IL12RB1: variants seen among roughly 807,000 people sequenced by gnomAD.
IL12RB1 encodes the protein interleukin 12 receptor subunit beta 1.
In IL12RB1, 64 loss-of-function variants were observed where a neutral mutation model predicts 94.4. The ratio of observed to expected loss-of-function variants is 0.68; its 90% CI spans 0.55 to 0.83. IL12RB1 has a LOEUF of 0.83. IL12RB1 is among the 40% of genes least tolerant of loss of function. The probability of loss-of-function intolerance (pLI) is 0.00; values close to 1 mark genes in which losing one functional copy is unlikely to be tolerated. For missense variants in IL12RB1, 814 were observed against 855.6 expected, an observed-to-expected ratio of 0.95 and a Z score of 0.61; for synonymous variants, 362 against 355.5, an observed-to-expected ratio of 1.02 and a Z score of -0.21.
chr19:18,069,474 G>A (rs1280910806), intron 10 of IL12RB1, 72 bp downstream of exon 10: 3 of 1,420,098 alleles, frequency 2.1e-6, no homozygotes, highest in Non-Finnish European at 9.5e-7. Context: ...CTTCCCTGCA[G>A]GTTTGAACCC....
intron 1 of IL12RB1, among the ~76,000 whole-genome samples, chr19:18,095,574 T>C (rs938575759): frequency 6.6e-6 from 1 of 152,206 alleles, no homozygotes; most frequent in African/African-American, 2.4e-5. Flanking sequence ...TTGGGGATGA[T>C]ACAAATGTCC....
chr19:18,078,092 G>C (rs1679412906), intron 4 of IL12RB1, among the ~76,000 whole-genome samples: 1 of 152,156 alleles, frequency 6.6e-6, no homozygotes, highest in Non-Finnish European at 1.5e-5. Flanking sequence ...CTAGGAGAGA[G>C]AGGGAGAACT....
intron 8 of IL12RB1, 44 bp from the exon 9 acceptor site, chr19:18,072,393 T>G (rs747309231): frequency 1.6e-6 from 2 of 1,268,574 alleles, no homozygotes; most frequent in Non-Finnish European, 2.3e-6. Context: ...CTGATCACAC[T>G]CATCATCCCA....
chr19:18,095,765 C>G (rs1267295077), intron 1 of IL12RB1, among the ~76,000 whole-genome samples: 2 of 152,124 alleles, frequency 1.3e-5, no homozygotes, highest in African/African-American at 4.8e-5. Flanking sequence ...ATCTGGCCAC[C>G]ATAACTTGAT....
chr19:18,080,958 T>A lies in IL12RB1; in HGVS notation c.283A>T (p.Thr95Ser). The part of the protein sequence containing the change: ...RCCYFAAGSA[T>S]RLQFSDQAGV... The stretch of plus-strand genomic sequence containing the variant: ...GCCTGGTCGGAGAACTGCAGCCTGG[T>A]GGCTGAGCCGGCGGCGAAGTAGCAG... The change falls in exon 4 of 17, where the codon ACC becomes TCC. Residue 95 changes from threonine to serine, a missense_variant. Transcript: ENST00000593993. 1.2e-6 allele frequency: 2 copies of A among 1,613,796 alleles called. No homozygotes were observed. Among genetic ancestry groups the A allele is most frequent in the Non-Finnish European group, 1.7e-6 (2 of 1,179,930 alleles).
intron 1 of IL12RB1, among the ~76,000 whole-genome samples, chr19:18,092,685 A>G: frequency 6.6e-6 from 1 of 150,878 alleles, no homozygotes; most frequent in South Asian, 2.1e-4. Flanking sequence ...AAAAAAAAAA[A>G]AAGAAATGTG....
chr19:18,083,515 T>G, intron 1 of IL12RB1, 24 bp from the exon 2 acceptor site: 1 of 1,612,322 alleles, frequency 6.2e-7, no homozygotes, highest in Non-Finnish European at 8.5e-7. Context: ...GAAGACATAA[T>G]GACATTCCTG....
chr19:18,084,660 GCCATCCATCCAT>G (rs61207801), intron 1 of IL12RB1, among the ~76,000 whole-genome samples: 1 of 48,910 alleles, frequency 2.0e-5, no homozygotes, highest in Non-Finnish European at 5.1e-5. Flanking sequence ...TATCCATCCA[GCCATCCATCCAT>G]CCATCCATCC....
In IL12RB1 at chr19:18,072,501, C is replaced by T. The variant is rs146857171; in HGVS notation, c.784-152G>A. The T allele has an allele frequency of 6.3e-5, 42 of 664,654 alleles. No homozygotes were observed. The African/African-American group carries it at 6.7e-4, about 11-fold the overall frequency. The allele number at this position is 664,654 out of a possible 1,614,324, so 41.2% of individuals were successfully genotyped here. On this transcript the variant is annotated intron_variant, in intron 8 of 16. Transcript: ENST00000593993. Reference sequence around the variant, plus strand: ...ATTAAAAGAATAATAAACCTCAATGCTGGCAAAGCTGCTGTGAGACAGGCA... The same window carrying T: ...ATTAAAAGAATAATAAACCTCAATGTTGGCAAAGCTGCTGTGAGACAGGCA...
At position 18,066,610 on chromosome 19, in the gene IL12RB1, C is replaced by T. The variant is rs369482167; in HGVS notation, c.1415G>A (p.Ser472Asn). 5.0e-5 allele frequency: 80 copies of T among 1,613,224 alleles called. No individual in the cohort carries two copies. Among genetic ancestry groups the T allele is most frequent in the Non-Finnish European group, 6.7e-5 (79 of 1,179,512 alleles). The change falls in exon 12 of 17, where the codon AGC (serine) becomes AAC (asparagine). Residue 472 changes from serine (S) to asparagine (N), a missense_variant. By Grantham distance (46) the Ser-to-Asn change is conservative. Transcript: ENST00000593993. ...CTCCTTTAGGACGCCGGGACAGGTG[C>T]TCAGCAGGGATGGTGCCCAGTCCAC... ...VSVDWAPSLLSTCPGVLKEYV... is the reference protein window; with the variant it reads ...VSVDWAPSLLNTCPGVLKEYV...
chr19:18,060,875 C>A (rs1350951886), intron 15 of IL12RB1, among the ~76,000 whole-genome samples: 2 of 152,128 alleles, frequency 1.3e-5, no homozygotes, highest in Non-Finnish European at 2.9e-5. Flanking sequence ...TCAGGCATAT[C>A]TGAAGCCCAT....
chr19:18,068,492 C>G lies in IL12RB1; in HGVS notation c.1224G>C (p.Met408Ile), dbSNP rs1043211799. Residue 408 changes from methionine (M) to isoleucine (I), a missense_variant, in exon 11 of 17, where the codon ATG becomes ATC. Transcript: ENST00000593993. Reference sequence around the variant, plus strand: ...TAATGTAGTAACACTTTTCCTGCCCCATTGCCCCAGACTCTCGACTCCAGC... The same window carrying G: ...TAATGTAGTAACACTTTTCCTGCCCGATTGCCCCAGACTCTCGACTCCAGC... ...TYSWSRESGA[M>I]GQEKCYYITI... The G allele has an allele frequency of 5.0e-6, 8 of 1,612,430 alleles. No homozygotes were observed. The South Asian group carries it at 8.8e-5, about 18-fold the overall frequency.
At chr19:18,082,021 A>T (rs1442246719) in intron 3 of IL12RB1, 129 bp downstream of exon 3, 1 of 705,334 alleles carries the variant, frequency 1.4e-6, no homozygotes, top group Non-Finnish European at 2.6e-6. Flanking sequence ...TTCTTAGATG[A>T]GAAACTGAAG....
In IL12RB1 at chr19:18,080,891, G is replaced by A; in HGVS notation, c.350C>T (p.Ser117Phe). 6 of 1,612,846 alleles carry A rather than the reference G, an allele frequency of 3.7e-6. No homozygotes were observed. Among genetic ancestry groups the A allele is most frequent in the Non-Finnish European group, 3.4e-6 (4 of 1,178,848 alleles). The change falls in exon 4 of 17, where the codon TCC (serine) becomes TTC (phenylalanine). Residue 117 changes from serine to phenylalanine, a missense_variant. Ser to Phe is a radical substitution (Grantham distance 155, BLOSUM62 -2). Coordinates refer to ENST00000593993, the MANE Select transcript of IL12RB1 (RefSeq NM_005535.3). ...VLYTVTLWVESWARNQTEKSP... is the reference protein window; with the variant it reads ...VLYTVTLWVEFWARNQTEKSP... ...CTTCTCTGTCTGGTTCCTGGCCCAG[G>A]ATTCCACCCAGAGTGTGACAGTGTA... is the stretch of plus-strand genomic sequence containing the variant.
At chr19:18,087,001 G>A (rs923281048), upstream of IL12RB1, 65 of 1,391,638 alleles carry the variant, frequency 4.7e-5, no homozygotes, top group Admixed American at 1.4e-3. Context: ...CAAAGTGAAA[G>A]AGAAACCCAG....
At chr19:18,097,885 G>A (rs1033779778) in intron 1 of IL12RB1, 17 of 1,212,690 alleles carry the variant, frequency 1.4e-5, no homozygotes, top group Middle Eastern at 6.1e-4. Context: ...AAGTGGACGC[G>A]GCCTGAAAGG....
intron 9 of IL12RB1, among the ~76,000 whole-genome samples, chr19:18,070,324 C>T (rs1248378100): frequency 6.6e-6 from 1 of 152,246 alleles, no homozygotes; most frequent in Non-Finnish European, 1.5e-5. Context: ...ACACCCACTT[C>T]CAGCCTTGTA....
In IL12RB1 at chr19:18,076,334, TA is replaced by T; in HGVS notation, c.550-8del. ...CCTGAGGTCCGCAGTCGCCCTAGAA[TA>T]AAAACATATTCATATATTGTTTTGC... On this transcript the variant is annotated splice_region_variant and splice_polypyrimidine_tract_variant and intron_variant, in intron 5 of 16. Transcript: ENST00000593993. The T allele has an allele frequency of 7.4e-7, 1 of 1,351,434 alleles. No individual in the cohort carries two copies. The highest frequency in any genetic ancestry group is 1.1e-6 in the Non-Finnish European group (1 of 940,128). The allele number at this position is 1,351,434 out of a possible 1,614,324, so 83.7% of individuals were successfully genotyped here.
intron 5 of IL12RB1, 78 bp from the exon 6 acceptor site, chr19:18,076,405 A>G: frequency 2.6e-6 from 2 of 766,716 alleles, no homozygotes; most frequent in Non-Finnish European, 4.8e-6. Context: ...TTAGTTATTT[A>G]TTTACTTATT....
Sources: allele counts gnomAD v4.1 joint callset (sites outside exome capture counted in the v4.1 genomes callset), GRCh38; gene constraint gnomAD v4.1.1; transcripts MANE v1.5; gene names NCBI Gene and HGNC (gene_info 2026-07-23, HGNC 2026-07-21).